Variants in NOMO1 observed in about 807,000 individuals in gnomAD.
NOMO1 encodes the protein nodal modulator 3.
In NOMO1, 40 loss-of-function variants were observed where a neutral mutation model predicts 133.8. That is an observed-to-expected ratio of 0.30 (90% CI 0.23 to 0.39). The LOEUF (loss-of-function observed/expected upper bound fraction) is 0.39, where lower values mean the gene tolerates loss of function less well. Among genes scored for constraint, NOMO1 ranks in the 10% least tolerant of loss-of-function variants. The probability of loss-of-function intolerance (pLI) is 1.00; values close to 1 mark genes in which losing one functional copy is unlikely to be tolerated. For synonymous variants in NOMO1, 236 were observed against 570.5 expected (o/e 0.41, Z 8.36); for missense variants, 462 against 1,419.9 (o/e 0.33, Z 10.84).
intron 29 of NOMO1, among the ~76,000 whole-genome samples, chr16:14,893,688 A>AC (rs1251295133): frequency 6.6e-6 from 1 of 150,840 alleles, no homozygotes; most frequent in East Asian, 1.9e-4. Flanking sequence ...TGGTTGCAGG[A>AC]CCCCTTTATA....
intron 11 of NOMO1, among the ~76,000 whole-genome samples, chr16:14,860,806 G>A (rs561741228): frequency 5.3e-5 from 8 of 152,116 alleles, no homozygotes; most frequent in South Asian, 4.1e-4. Context: ...ATTGGCCGAC[G>A]TAGTACATTT....
chr16:14,836,233 C>A (rs1336031785), intron 1 of NOMO1, among the ~76,000 whole-genome samples: 2 of 152,050 alleles, frequency 1.3e-5, no homozygotes, highest in Admixed American at 6.5e-5. Flanking sequence ...GTATCTGAAT[C>A]TCTTTGTCAC....
chr16:14,860,894 G>T (rs559475325), intron 11 of NOMO1, among the ~76,000 whole-genome samples: 1,646 of 150,216 alleles, frequency 0.011, 28 homozygotes, highest in Non-Finnish European at 0.015. Context: ...TTACTCCGTT[G>T]CCCAGGCTGG....
Position 14,880,052 on chromosome 16 carries a change from A to C in NOMO1, c.2795A>C (p.Glu932Ala). The C allele has an allele frequency of 6.2e-7, 1 of 1,611,234 alleles. No individual in the cohort carries two copies. The highest frequency in any genetic ancestry group is 8.5e-7 in the Non-Finnish European group (1 of 1,179,736). ...TATTACTTCAAACCCATGATGAAGG[A>C]GTTCCGGTTTGAGCCATCCTCACAG... ...GQYYFKPMMK[E>A]FRFEPSSQMI... The change falls in exon 24 of 31, where the codon GAG becomes GCG. Residue 932 changes from glutamate to alanine, a missense_variant. Coordinates refer to ENST00000287667, the MANE Select transcript of NOMO1 (RefSeq NM_014287.4).
At chr16:14,885,637 A>G (rs2151010856) in intron 27 of NOMO1, among the ~76,000 whole-genome samples, 1 of 142,756 alleles carries the variant, frequency 7.0e-6, no homozygotes, top group Admixed American at 6.9e-5. Context: ...AGGTAATGTC[A>G]GAGAGTGCAG....
At chr16:14,849,624 G>T (rs1963726774) in intron 6 of NOMO1, among the ~76,000 whole-genome samples, 1 of 140,388 alleles carries the variant, frequency 7.1e-6, no homozygotes, top group Non-Finnish European at 1.5e-5. Flanking sequence ...GTCTCGCTCT[G>T]TTGCCAAGAC....
intron 3 of NOMO1, among the ~76,000 whole-genome samples, chr16:14,843,007 G>GCCT (rs1963628648): frequency 7.1e-6 from 1 of 140,944 alleles, no homozygotes; most frequent in Admixed American, 7.2e-5. Context: ...TGCAACTTCT[G>GCCT]CCCGGGTTCA....
At chr16:14,895,366 GC>G in intron 30 of NOMO1, 147 bp from the exon 31 acceptor site, 1 of 1,392,116 alleles carries the variant, frequency 7.2e-7, no homozygotes, top group Non-Finnish European at 1.0e-6. Context: ...TAAGAGGCCT[GC>G]CTCGTTTGAA....
chr16:14,886,977 C>G, intron 28 of NOMO1, 115 bp downstream of exon 28: 1 of 1,439,716 alleles, frequency 6.9e-7, no homozygotes, highest in South Asian at 1.2e-5. Context: ...CAGAAATACG[C>G]TCTCTGAATC....
Position 14,871,383 on chromosome 16 carries a change from A to T in NOMO1, c.1895-238A>T, listed in dbSNP as rs540133855. Among the ~76,000 whole-genome samples, 395 of 152,028 alleles carry T rather than the reference A, an allele frequency of 2.6e-3. 2 individuals are homozygous for T. The highest frequency in any genetic ancestry group is 9.2e-3 in the African/African-American group (382 of 41,388). ...TTTAACTACTGTGAGTTGTTACCTT[A>T]TGGAAAATGAAAATCATGCGCCTGT... On this transcript the variant is annotated intron_variant, in intron 16 of 30. Coordinates refer to ENST00000287667, the MANE Select transcript of NOMO1 (RefSeq NM_014287.4).
chr16:14,867,083 T>C (rs1964007389), intron 15 of NOMO1, among the ~76,000 whole-genome samples: 1 of 123,568 alleles, frequency 8.1e-6, no homozygotes, highest in Non-Finnish European at 1.7e-5. Context: ...AGGGCTTAAG[T>C]GAACCCTCTT....
chr16:14,886,697 T>C, intron 27 of NOMO1, 64 bp from the exon 28 acceptor site: 4 of 1,610,464 alleles, frequency 2.5e-6, no homozygotes, highest in Non-Finnish European at 3.4e-6. Context: ...CCTGAGGATG[T>C]CTGCTATGAA....
chr16:14,869,648 TTGG>T (rs1964053615), intron 16 of NOMO1, among the ~76,000 whole-genome samples: 1 of 148,154 alleles, frequency 6.7e-6, no homozygotes, highest in South Asian at 2.2e-4. Context: ...CATTTATCAG[TTGG>T]TGGATATTTG....
At chr16:14,859,329 G>A (rs1168831100) in intron 11 of NOMO1, among the ~76,000 whole-genome samples, 1 of 151,998 alleles carries the variant, frequency 6.6e-6, no homozygotes, top group African/African-American at 2.4e-5. Flanking sequence ...GTCCAGTGGT[G>A]AATGGAAGAC....
In NOMO1 at chr16:14,865,153, AAAGT is replaced by A; in HGVS notation, c.1669+2_1669+5del. ...GACAACGTGCTCCCTGGAAAATACAAAAGTAAGAATTGGAATGCAACATCCTGTG... is the reference window on the plus strand; with the variant it reads ...GACAACGTGCTCCCTGGAAAATACAAAAGAATTGGAATGCAACATCCTGTG... On this transcript the variant is annotated splice_donor_variant and coding_sequence_variant, in exon 14 of 31. Coordinates refer to ENST00000287667, the MANE Select transcript of NOMO1 (RefSeq NM_014287.4). LOFTEE classifies it high-confidence loss of function. 1 of 1,397,594 alleles carries A rather than the reference AAAGT, an allele frequency of 7.2e-7. No homozygotes were observed. Among genetic ancestry groups the A allele is most frequent in the Non-Finnish European group, 1.0e-6 (1 of 991,800 alleles). The allele number at this position is 1,397,594 out of a possible 1,614,324, so 86.6% of individuals were successfully genotyped here.
chr16:14,862,117 A>G (rs530875894), intron 11 of NOMO1, among the ~76,000 whole-genome samples: 1 of 151,772 alleles, frequency 6.6e-6, no homozygotes, highest in Non-Finnish European at 1.5e-5. Flanking sequence ...ATGTACCCCT[A>G]ATTGTCAGAA....
chr16:14,878,512 A>T (rs1383359932), intron 22 of NOMO1, among the ~76,000 whole-genome samples: 1 of 151,172 alleles, frequency 6.6e-6, no homozygotes, highest in Non-Finnish European at 1.5e-5. Context: ...AAAAAAAAAA[A>T]AAAAAAAAAG....
At chr16:14,887,206 T>C (rs966035835) in intron 28 of NOMO1, among the ~76,000 whole-genome samples, 3 of 152,096 alleles carry the variant, frequency 2.0e-5, no homozygotes, top group Non-Finnish European at 4.4e-5. Context: ...TTTTAATAAT[T>C]CAAAACTGAC....
intron 3 of NOMO1, among the ~76,000 whole-genome samples, chr16:14,844,111 G>A (rs1963646394): frequency 6.7e-6 from 1 of 150,172 alleles, no homozygotes; most frequent in Non-Finnish European, 1.5e-5. Flanking sequence ...TGTGTTCCTG[G>A]TTTAACATGG....
Sources: gnomAD v4.1 joint callset for allele counts (sites outside exome capture counted in the v4.1 genomes callset) on GRCh38, gnomAD v4.1.1 for gene constraint, MANE v1.5 for transcripts, NCBI Gene and HGNC (gene_info 2026-07-23, HGNC 2026-07-21) for gene names.